The following PARD3B variants were observed in gnomAD, a reference collection of about 807,000 sequenced individuals.
The protein encoded by PARD3B is par-3 family cell polarity regulator beta.
PARD3B carries 103 observed loss-of-function variants against 130.2 expected under a neutral mutation model. That is an observed-to-expected ratio of 0.79 (90% confidence interval 0.67 to 0.93). The LOEUF is 0.93. Ranked by LOEUF, PARD3B falls within the 40% of genes least tolerant of loss-of-function variation. The probability of loss-of-function intolerance (pLI) is 0.00; values close to 1 mark genes in which losing one functional copy is unlikely to be tolerated. For missense variants in PARD3B, 1,609 were observed against 1,499.2 expected (o/e 1.07, Z -1.21); for synonymous variants, 583 against 553.2 (o/e 1.05, Z -0.76).
At chr2:204,845,071 C>T (rs907726693) in intron 2 of PARD3B, among the ~76,000 whole-genome samples, 1 of 152,072 alleles carries the variant, frequency 6.6e-6, no homozygotes, top group African/African-American at 2.4e-5. Context: ...TGAGGATTAC[C>T]TATGGCTAAA....
chr2:205,316,853 C>G (rs948180153), intron 18 of PARD3B, among the ~76,000 whole-genome samples: 76 of 152,244 alleles, frequency 5.0e-4, no homozygotes, highest in African/African-American at 1.8e-3. Context: ...CAAACAACTG[C>G]TAAGTACACA....
intron 11 of PARD3B, among the ~76,000 whole-genome samples, chr2:205,171,625 C>A (rs2035178146): frequency 6.6e-6 from 1 of 152,186 alleles, no homozygotes; most frequent in African/African-American, 2.4e-5. Context: ...TCAGGGCGAA[C>A]TGGCCCTTTT....
intron 1 of PARD3B, among the ~76,000 whole-genome samples, chr2:204,643,603 T>G (rs1436990721): frequency 6.6e-6 from 1 of 151,882 alleles, no homozygotes; most frequent in African/African-American, 2.4e-5. Context: ...ATTATGAGAT[T>G]TTTTTGTGAT....
intron 2 of PARD3B, among the ~76,000 whole-genome samples, chr2:204,786,261 T>C (rs1460153477): frequency 2.0e-5 from 3 of 152,142 alleles, no homozygotes; most frequent in East Asian, 3.9e-4. Flanking sequence ...CACAGTTTGA[T>C]TCTATGGGAT....
At chr2:204,696,706 G>A (rs79854745) in intron 2 of PARD3B, among the ~76,000 whole-genome samples, 7,351 of 152,190 alleles carry the variant, frequency 0.048, 235 homozygotes, top group Non-Finnish European at 0.064. Context: ...TAGAAAGAAA[G>A]TGTGTTTTCC....
intron 1 of PARD3B, among the ~76,000 whole-genome samples, chr2:204,585,021 G>A (rs1259635043): frequency 6.6e-6 from 1 of 152,196 alleles, no homozygotes; most frequent in Non-Finnish European, 1.5e-5. Flanking sequence ...AGCAACCTTG[G>A]AGGGAGCTAG....
At position 205,033,890 on chromosome 2, in the gene PARD3B, C is replaced by A. The variant is rs780666317; in HGVS notation, c.395-13691C>A. 4.4e-4 allele frequency among the ~76,000 whole-genome samples: 67 copies of A among 152,072 alleles called. 1 individual carries two copies. Among genetic ancestry groups the A allele is most frequent in the Non-Finnish European group, 1.2e-4 (8 of 68,022 alleles). ...TTCCTCTATAAGCCACAGTAATTGA[C>A]GAGATTGAGTCAGTATCTCTGTGCA... On this transcript the variant is annotated intron_variant, in intron 3 of 22. Coordinates refer to ENST00000406610, the MANE Select transcript of PARD3B (RefSeq NM_001302769.2).
At chr2:204,568,082 G>C (rs1021587387) in intron 1 of PARD3B, among the ~76,000 whole-genome samples, 4 of 152,074 alleles carry the variant, frequency 2.6e-5, no homozygotes, top group Non-Finnish European at 5.9e-5. Context: ...CAAATCAAAA[G>C]GGCAAATAAC....
chr2:205,074,369 A>C (rs1221411290), intron 4 of PARD3B, among the ~76,000 whole-genome samples: 1 of 152,202 alleles, frequency 6.6e-6, no homozygotes, highest in Non-Finnish European at 1.5e-5. Context: ...GAACTTTTAA[A>C]AGTTGCTAAT....
At chr2:204,770,751 C>T (rs564714622) in intron 2 of PARD3B, among the ~76,000 whole-genome samples, 35 of 152,000 alleles carry the variant, frequency 2.3e-4, no homozygotes, top group Non-Finnish European at 4.7e-4. Flanking sequence ...CTTCTAGAAC[C>T]AGCTTACACC....
intron 2 of PARD3B, among the ~76,000 whole-genome samples, chr2:204,802,493 A>G (rs941223422): frequency 1.3e-5 from 2 of 152,206 alleles, no homozygotes; most frequent in Non-Finnish European, 2.9e-5. Context: ...ATTACTGGGT[A>G]TATACCCAAA....
intron 3 of PARD3B, among the ~76,000 whole-genome samples, chr2:205,047,237 C>T (rs551373457): frequency 1.3e-5 from 2 of 152,312 alleles, no homozygotes; most frequent in East Asian, 3.9e-4. Context: ...CTTCATTCGT[C>T]TCCTGGATAA....
chr2:204,732,725 A>G (rs2039571585), intron 2 of PARD3B, among the ~76,000 whole-genome samples: 1 of 152,170 alleles, frequency 6.6e-6, no homozygotes, highest in East Asian at 1.9e-4. Context: ...GTCTAATTCT[A>G]GAGACATGTG....
chr2:205,196,372 A>G (rs561629167), intron 15 of PARD3B, among the ~76,000 whole-genome samples: 337 of 151,984 alleles, frequency 2.2e-3, no homozygotes, highest in Non-Finnish European at 3.6e-3. Flanking sequence ...AGATTTTGCA[A>G]TTTGTTTATT....
intron 1 of PARD3B, among the ~76,000 whole-genome samples, chr2:204,629,655 A>G (rs1233347335): frequency 6.6e-6 from 1 of 151,868 alleles, no homozygotes; most frequent in Non-Finnish European, 1.5e-5. Context: ...ATAATGCCAC[A>G]CTGGGCCAGA....
chr2:204,660,954 C>T (rs146361777), intron 1 of PARD3B, among the ~76,000 whole-genome samples: 20 of 152,242 alleles, frequency 1.3e-4, no homozygotes, highest in African/African-American at 4.6e-4. Flanking sequence ...CCCAAATTTT[C>T]TTTCATTGCA....
At chr2:204,928,682 G>GA (rs926885315) in intron 2 of PARD3B, among the ~76,000 whole-genome samples, 6 of 151,292 alleles carry the variant, frequency 4.0e-5, no homozygotes, top group Non-Finnish European at 5.9e-5. Context: ...GCAGAAGGGA[G>GA]AAAAAAACAG....
At chr2:204,624,051 ACATTTAGAGTGAAATGTCCAT>A (rs1240893255) in intron 1 of PARD3B, among the ~76,000 whole-genome samples, 2 of 152,130 alleles carry the variant, frequency 1.3e-5, no homozygotes, top group South Asian at 2.1e-4. Context: ...CTGTTGGTGG[ACATTTAGAGTGAAATGTCCAT>A]CATTTAGAGT....
chr2:204,771,433 T>A (rs181872239), intron 2 of PARD3B, among the ~76,000 whole-genome samples: 2 of 152,212 alleles, frequency 1.3e-5, no homozygotes, highest in East Asian at 3.9e-4. Context: ...TATGTTTTAA[T>A]GGTTAGTTAT....
Sources: gnomAD v4.1 joint callset for allele counts (sites outside exome capture counted in the v4.1 genomes callset) on GRCh38, gnomAD v4.1.1 for gene constraint, MANE v1.5 for transcripts, NCBI Gene and HGNC (gene_info 2026-07-23, HGNC 2026-07-21) for gene names.